SHC2: variants seen among roughly 807,000 people sequenced by gnomAD.
SHC2 encodes SHC adaptor protein 2.
SHC2 carries 62 observed loss-of-function variants against 60.6 expected under a neutral mutation model. That is an observed-to-expected ratio of 1.02 (90% CI 0.83 to 1.26). The LOEUF (loss-of-function observed/expected upper bound fraction) is 1.26. Among genes scored for constraint, SHC2 ranks in the 50% most tolerant of loss-of-function variants. The pLI, the probability that SHC2 is intolerant of heterozygous loss-of-function variation, is 0.00. For missense variants in SHC2, 873 were observed against 822.2 expected (o/e 1.06, Z -0.76); for synonymous variants, 375 against 372.4 (o/e 1.01, Z -0.08).
chr19:418,856 A>AT, intron 12 of SHC2, 67 bp downstream of exon 12: 1 of 1,519,480 alleles, frequency 6.6e-7, no homozygotes, highest in Admixed American at 2.0e-5. Flanking sequence ...CCGGGTCTCA[A>AT]TTTTCAAATC....
Position 425,246 on chromosome 19 carries a change from GA to G in SHC2, c.1175-16del, listed in dbSNP as rs1974384840. 2.3e-6 allele frequency: 3 copies of G among 1,319,018 alleles called. No homozygotes were observed. The highest frequency in any genetic ancestry group is 2.9e-6 in the Non-Finnish European group (3 of 1,025,804). The allele number at this position is 1,319,018 out of a possible 1,614,324, so 81.7% of individuals were successfully genotyped here. On this transcript the variant is annotated splice_polypyrimidine_tract_variant and intron_variant, in intron 9 of 12. Coordinates refer to ENST00000264554, the MANE Select transcript of SHC2 (RefSeq NM_012435.3). The surrounding 1 kb of genome is among the most constrained non-coding windows in gnomAD (Gnocchi z 4.1). Reference sequence around the variant, plus strand: ...CCCCGGTGGAGCTGGGGAGTGTAAAGAGGGGCAGGGGGTCAGCTGGGAGCCA... The same window carrying G: ...CCCCGGTGGAGCTGGGGAGTGTAAAGGGGGCAGGGGGTCAGCTGGGAGCCA...
intron 8 of SHC2, 28 bp downstream of exon 8, chr19:434,681 C>A: frequency 6.3e-7 from 1 of 1,578,096 alleles, no homozygotes; most frequent in South Asian, 1.1e-5. Flanking sequence ...GCATCCCTGT[C>A]CCCATCCCCC....
intron 1 of SHC2, among the ~76,000 whole-genome samples, chr19:442,481 G>A (rs1461440220): frequency 8.4e-6 from 1 of 118,394 alleles, no homozygotes; most frequent in African/African-American, 3.8e-5. Flanking sequence ...ATGGGTGGGT[G>A]GATGGGTGGA....
chr19:423,125 CCTCCCGCCCTGACCCTCACTCCCTGGT>C (rs1321836826), intron 10 of SHC2, among the ~76,000 whole-genome samples: 1 of 151,182 alleles, frequency 6.6e-6, no homozygotes, highest in Non-Finnish European at 1.5e-5. Flanking sequence ...CCTGGGGGGT[CCTCCCGCCCTGACCCTCACTCCCTGGT>C]CTCCCGCCCC....
chr19:447,875 G>T (rs1159329337), intron 1 of SHC2, among the ~76,000 whole-genome samples: 1 of 152,192 alleles, frequency 6.6e-6, no homozygotes, highest in African/African-American at 2.4e-5. Flanking sequence ...TTAATAAAAT[G>T]AAAAGTGTCC....
In SHC2 at chr19:446,366, G is replaced by A. The variant is rs576107815; in HGVS notation, c.469-5434C>T. 2.6e-5 allele frequency among the ~76,000 whole-genome samples: 4 copies of A among 152,144 alleles called. No homozygotes were observed. The highest frequency in any genetic ancestry group is 1.9e-4 in the East Asian group (1 of 5,178). ...TTGCTCTGTCGCCAGGCTGGAGTGC[G>A]GTGGTGCGATCACGACTCACTGCAA... is the stretch of plus-strand genomic sequence containing the variant. On this transcript the variant is annotated intron_variant, in intron 1 of 12. Transcript: ENST00000264554. The surrounding 1 kb of genome is among the most constrained non-coding windows in gnomAD (Gnocchi z 5.4).
rs983761704 is a variant in SHC2, at chr19:430,823, C to T, written c.1111-76G>A. ...TGGCTCTGGACCCCCAGTCTCCCCG[C>T]CCGGCCCTCTTAGATGGCTGGAGAC... is the stretch of plus-strand genomic sequence containing the variant. On this transcript the variant is annotated intron_variant, in intron 8 of 12. Coordinates refer to ENST00000264554, the MANE Select transcript of SHC2 (RefSeq NM_012435.3). 11 of 1,401,078 alleles carry T rather than the reference C, an allele frequency of 7.9e-6. No individual in the cohort carries two copies. In the African/African-American group the frequency reaches 1.4e-4, roughly 18 times the overall value. 86.8% of individuals were successfully genotyped at this position (1,401,078 alleles called of 1,614,324 possible). A position where few individuals can be genotyped will look rare whatever the true frequency, so the allele number is the denominator to read the frequency against.
Position 423,619 on chromosome 19 carries a change from G to C in SHC2, c.1310-1163C>G, listed in dbSNP as rs183815520. Among the ~76,000 whole-genome samples the C allele has an allele frequency of 3.6e-3, 436 of 122,668 alleles. 6 individuals are homozygous for C. Among genetic ancestry groups the C allele is most frequent in the African/African-American group, 0.013 (402 of 31,196 alleles). 80.5% of individuals were successfully genotyped at this position (122,668 alleles called of 152,430 possible). On this transcript the variant is annotated intron_variant, in intron 10 of 12. Transcript: ENST00000264554. ...GCTCCTGGTCCTGGGGGGTCCTCCC[G>C]CCCTGACCCTCGCTCCCTGGTCTCC...
intron 1 of SHC2, among the ~76,000 whole-genome samples, chr19:444,112 T>G (rs1268468489): frequency 1.5e-5 from 2 of 132,622 alleles, no homozygotes; most frequent in African/African-American, 5.8e-5. Flanking sequence ...AGGTGGATGG[T>G]TGGATGGGTG....
intron 4 of SHC2, 112 bp from the exon 5 acceptor site, chr19:436,795 A>T: frequency 9.4e-7 from 1 of 1,061,950 alleles, no homozygotes; most frequent in Non-Finnish European, 1.4e-6. Context: ...GGATGTGGGG[A>T]TGGAGACGTC....
rs181195302 is a variant in SHC2, at chr19:434,847, C to T, written c.972G>A (p.Glu324=). ...LPPERLAGPE[E]SAWGDEEDSL... is the part of the protein sequence containing the mutation. ...AGTCCTCCTCGTCCCCCCAGGCCGACTCCTCCGGCCCTGCCAGCCTGGGGG... is the reference window on the plus strand; with the variant it reads ...AGTCCTCCTCGTCCCCCCAGGCCGATTCCTCCGGCCCTGCCAGCCTGGGGG... Residue 324 remains glutamate (E), a synonymous_variant, in exon 8 of 13, where the codon GAG becomes GAA. Coordinates refer to ENST00000264554, the MANE Select transcript of SHC2 (RefSeq NM_012435.3). The T allele has an allele frequency of 1.2e-6, 2 of 1,611,230 alleles. No individual in the cohort carries two copies. The highest frequency in any genetic ancestry group is 1.3e-5 in the African/African-American group (1 of 74,938).
intron 1 of SHC2, among the ~76,000 whole-genome samples, chr19:459,087 G>A (rs9749202): frequency 0.36 from 55,111 of 151,474 alleles, 14,612 homozygotes; most frequent in African/African-American, 0.76. Context: ...GCCTCATCTT[G>A]ACTAGGTTAC....
chr19:443,473 G>A (rs1426679648), intron 1 of SHC2, among the ~76,000 whole-genome samples: 7 of 147,558 alleles, frequency 4.7e-5, no homozygotes, highest in Non-Finnish European at 7.5e-5. Context: ...CAGATGGGTG[G>A]ATGAATGGAT....
chr19:420,297 A>C (rs1974237086), intron 11 of SHC2, among the ~76,000 whole-genome samples: 1 of 152,154 alleles, frequency 6.6e-6, no homozygotes, highest in Admixed American at 6.5e-5. Flanking sequence ...GCTCTGTCCC[A>C]GGCCGGGGTG....
chr19:449,442 T>G (rs1975125073), intron 1 of SHC2, among the ~76,000 whole-genome samples: 1 of 152,180 alleles, frequency 6.6e-6, no homozygotes, highest in South Asian at 2.1e-4. Flanking sequence ...TTGGGAAAAC[T>G]GGTCACATTT....
At chr19:434,436 GATC>G (rs1974661663) in intron 8 of SHC2, among the ~76,000 whole-genome samples, 2 of 67,948 alleles carry the variant, frequency 2.9e-5, no homozygotes, top group East Asian at 8.6e-4. Context: ...GACTGAGTGA[GATC>G]ATGAGTCTGT....
chr19:427,780 A>AAGGGGAC (rs1017588924), intron 9 of SHC2, among the ~76,000 whole-genome samples: 1 of 89,716 alleles, frequency 1.1e-5, no homozygotes, highest in African/African-American at 4.7e-5. Flanking sequence ...CGGCACAGGT[A>AAGGGGAC]AGGGGACAGG....
In SHC2 at chr19:431,331, C is replaced by T. The variant is rs1203030888; in HGVS notation, c.1111-584G>A. Among the ~76,000 whole-genome samples, 8 of 142,840 alleles carry T rather than the reference C, an allele frequency of 5.6e-5. No individual in the cohort carries two copies. In the South Asian group the frequency reaches 1.6e-3, roughly 29 times the overall value. 93.7% of individuals were successfully genotyped at this position (142,840 alleles called of 152,430 possible). A position where few individuals can be genotyped will look rare whatever the true frequency, so the allele number is the denominator to read the frequency against. ...TAGAGGAGGCCGGGCAGATAGATGG[C>T]GCTTCATCGTGAGTGAGATCGTGAG... On this transcript the variant is annotated intron_variant, in intron 8 of 12. Transcript: ENST00000264554.
At position 422,163 on chromosome 19, in the gene SHC2, C is replaced by T. The variant is rs762397407; in HGVS notation, c.1603G>A (p.Val535Met). ...CAGCTTACCACGCCCTCGGGGTCCA[C>T]GAGCAGCAGGTGCTTGGGCTGCCCG... is the stretch of plus-strand genomic sequence containing the variant. ...HAGQPKHLLL[V>M]DPEGVVRTKD... is the part of the protein sequence containing the mutation. The change falls in exon 11 of 13, where the codon GTG becomes ATG. Residue 535 changes from valine (V) to methionine (M), a missense_variant. Val to Met is a conservative substitution (Grantham distance 21). Transcript: ENST00000264554. This position sits in a 1 kb window ranked among gnomAD's most constrained non-coding sequence, Gnocchi z 5.0. The T allele has an allele frequency of 1.4e-4, 229 of 1,610,010 alleles. No homozygotes were observed. The highest frequency in any genetic ancestry group is 1.7e-4 in the Non-Finnish European group (201 of 1,178,210).
Sources: gnomAD v4.1 joint callset for allele counts (sites outside exome capture counted in the v4.1 genomes callset) on GRCh38, gnomAD v4.1.1 for gene constraint, Gnocchi (gnomAD v3.1) non-coding constraint, MANE v1.5 for transcripts, NCBI Gene and HGNC (gene_info 2026-07-23, HGNC 2026-07-21) for gene names.